The following HPGD variants were observed in gnomAD, a reference collection of about 807,000 sequenced individuals.
HPGD encodes 15-hydroxyprostaglandin dehydrogenase.
Under a neutral mutation model 30.0 loss-of-function variants are expected in HPGD, and 29 were observed. The ratio of observed to expected loss-of-function variants is 0.97; its 90% CI spans 0.72 to 1.32. The LOEUF (loss-of-function observed/expected upper bound fraction) is 1.32. Ranked by LOEUF, HPGD falls within the 40% of genes most tolerant of loss-of-function variation. The pLI, the probability that HPGD is intolerant of heterozygous loss-of-function variation, is 0.00. For missense variants in HPGD, 340 were observed against 322.1 expected, an observed-to-expected ratio of 1.06 and a Z score of -0.43; for synonymous variants, 99 against 112.4, an observed-to-expected ratio of 0.88 and a Z score of 0.75.
chr4:174,492,244 T>G lies in HPGD; in HGVS notation c.663-150A>C. On this transcript the variant is annotated intron_variant, in intron 6 of 6. Coordinates refer to ENST00000296522, the MANE Select transcript of HPGD (RefSeq NM_000860.6). The surrounding 1 kb of genome is among the most constrained non-coding windows in gnomAD (Gnocchi z 4.9). ...ATTGCTACTTCCAATTTTTATTTAA[T>G]TCCATATTAGATATCTAGATTAGAT... The G allele has an allele frequency of 1.5e-6, 1 of 674,900 alleles. No individual in the cohort carries two copies. Among genetic ancestry groups the G allele is most frequent in the Non-Finnish European group, 2.6e-6 (1 of 386,172 alleles). 41.8% of individuals were successfully genotyped at this position (674,900 alleles called of 1,614,324 possible).
chr4:174,495,562 T>C lies in HPGD; in HGVS notation c.484A>G (p.Thr162Ala). 6.2e-7 allele frequency: 1 copy of C among 1,613,152 alleles called. No individual in the cohort carries two copies. Among genetic ancestry groups the C allele is most frequent in the Non-Finnish European group, 8.5e-7 (1 of 1,179,160 alleles). Reference protein sequence around the residue: ...CASKHGIVGFTRSAALAANLM... With the variant: ...CASKHGIVGFARSAALAANLM... ...TGTAGCCTCACCGCTGCTGAGCGTG[T>C]GAATCCAACTATGCCATGCTTTGAA... Residue 162 changes from threonine to alanine, a missense_variant, in exon 5 of 7, where the codon ACA becomes GCA. Coordinates refer to ENST00000296522, the MANE Select transcript of HPGD (RefSeq NM_000860.6).
chr4:174,512,033 A>G (rs1179060554), intron 3 of HPGD, among the ~76,000 whole-genome samples: 3 of 152,188 alleles, frequency 2.0e-5, no homozygotes, highest in Non-Finnish European at 2.9e-5. Context: ...AAAATAGCCT[A>G]ATGGAAACCA....
intron 4 of HPGD, among the ~76,000 whole-genome samples, chr4:174,498,924 A>G (rs1352587025): frequency 2.0e-5 from 3 of 152,126 alleles, no homozygotes; most frequent in Non-Finnish European, 4.4e-5. Flanking sequence ...ATTTTTGACA[A>G]TGATTTTAGT....
chr4:174,495,678 A>G (rs1363974649), intron 4 of HPGD, 54 bp from the exon 5 acceptor site: 1 of 1,154,480 alleles, frequency 8.7e-7, no homozygotes, highest in South Asian at 1.2e-5. Flanking sequence ...TAAGTAGACT[A>G]TACCCAGTAA....
chr4:174,497,085 C>T (rs1282494118), intron 4 of HPGD, among the ~76,000 whole-genome samples: 1 of 152,196 alleles, frequency 6.6e-6, no homozygotes, highest in Non-Finnish European at 1.5e-5. Flanking sequence ...GTTGCTGCTT[C>T]TGGTTCTTGT....
intron 5 of HPGD, among the ~76,000 whole-genome samples, chr4:174,495,059 A>C (rs1249300748): frequency 6.6e-6 from 1 of 152,186 alleles, no homozygotes; most frequent in Non-Finnish European, 1.5e-5. Flanking sequence ...AATTAGGTCT[A>C]AAGTATTTTT....
At chr4:174,510,709 C>A (rs1228642446) in intron 3 of HPGD, among the ~76,000 whole-genome samples, 1 of 152,180 alleles carries the variant, frequency 6.6e-6, no homozygotes, top group Non-Finnish European at 1.5e-5. Flanking sequence ...GATGAATCTA[C>A]AAGACAGGGT....
Position 174,492,115 on chromosome 4 carries a change from A to G in HPGD, c.663-21T>C. Reference sequence around the variant, plus strand: ...GTGGGCTAAAAATAAAGAAAACAGTATTTTGAAACGAAAGAATGAGGCATA... The same window carrying G: ...GTGGGCTAAAAATAAAGAAAACAGTGTTTTGAAACGAAAGAATGAGGCATA... On this transcript the variant is annotated intron_variant, in intron 6 of 6. Coordinates refer to ENST00000296522, the MANE Select transcript of HPGD (RefSeq NM_000860.6). This position sits in a 1 kb window ranked among gnomAD's most constrained non-coding sequence, Gnocchi z 4.9. 6.2e-7 allele frequency: 1 copy of G among 1,606,046 alleles called. No individual in the cohort carries two copies. The highest frequency in any genetic ancestry group is 8.5e-7 in the Non-Finnish European group (1 of 1,174,368).
At chr4:174,493,502 A>G in intron 5 of HPGD, 188 bp from the exon 6 acceptor site, 1 of 570,806 alleles carries the variant, frequency 1.8e-6, no homozygotes, top group Non-Finnish European at 3.1e-6. Flanking sequence ...TTAATTCCTG[A>G]AAATCTCACC....
intron 3 of HPGD, 33 bp downstream of exon 3, chr4:174,517,938 T>A: frequency 2.7e-6 from 3 of 1,101,864 alleles, no homozygotes; most frequent in South Asian, 2.5e-5. Flanking sequence ...TATTAAATAA[T>A]TATAGACAAG....
chr4:174,512,759 T>C (rs1168507209), intron 3 of HPGD, among the ~76,000 whole-genome samples: 1 of 152,222 alleles, frequency 6.6e-6, no homozygotes, highest in Non-Finnish European at 1.5e-5. Flanking sequence ...CAGTTCCTGA[T>C]GTGAAGCTGA....
At chr4:174,504,146 C>T (rs1414297538) in intron 4 of HPGD, among the ~76,000 whole-genome samples, 2 of 152,186 alleles carry the variant, frequency 1.3e-5, no homozygotes, top group East Asian at 3.9e-4. Context: ...TCTCCATTTC[C>T]CTTCTGCAAA....
Position 174,492,022 on chromosome 4 carries a change from G to A in HPGD, c.735C>T (p.Ile245=). 9 of 1,609,744 alleles carry A rather than the reference G, an allele frequency of 5.6e-6. No individual in the cohort carries two copies. Among genetic ancestry groups the A allele is most frequent in the Non-Finnish European group, 7.7e-6 (9 of 1,176,408 alleles). Residue 245 remains isoleucine (I), a synonymous_variant, in exon 7 of 7, where the codon ATC becomes ATT. Coordinates refer to ENST00000296522, the MANE Select transcript of HPGD (RefSeq NM_000860.6). This position sits in a 1 kb window ranked among gnomAD's most constrained non-coding sequence, Gnocchi z 4.9. ...GAAAATGAATTCCCTTAGAAGTTGT[G>A]ATCTTCATAATAGCACCATTTAAAG... ...DDALNGAIMK[I]TTSKGIHFQD...
At chr4:174,515,007 G>T (rs1426659638) in intron 3 of HPGD, among the ~76,000 whole-genome samples, 1 of 151,894 alleles carries the variant, frequency 6.6e-6, no homozygotes, top group Non-Finnish European at 1.5e-5. Context: ...CTACTGAAAG[G>T]AATCAGAGAT....
chr4:174,515,728 C>T (rs1341923757), intron 3 of HPGD, among the ~76,000 whole-genome samples: 1 of 151,850 alleles, frequency 6.6e-6, no homozygotes, highest in East Asian at 1.9e-4. Context: ...ATGGATCTGA[C>T]AAAGGTCTAA....
chr4:174,501,501 T>C (rs1224568931), intron 4 of HPGD, among the ~76,000 whole-genome samples: 1 of 152,182 alleles, frequency 6.6e-6, no homozygotes, highest in African/African-American at 2.4e-5. Context: ...AGGCCCACCA[T>C]TGTGCAAGTT....
At chr4:174,521,031 C>T (rs1322082193) in intron 2 of HPGD, among the ~76,000 whole-genome samples, 1 of 152,080 alleles carries the variant, frequency 6.6e-6, no homozygotes, top group African/African-American at 2.4e-5. Context: ...TTTGATGTCC[C>T]TTTAAGAACA....
intron 4 of HPGD, among the ~76,000 whole-genome samples, chr4:174,503,577 G>A (rs188466838): frequency 1.4e-4 from 21 of 152,212 alleles, no homozygotes; most frequent in East Asian, 3.9e-4. Flanking sequence ...GGTGCCATGC[G>A]ATTTTCTTAC....
At chr4:174,495,377 T>G (rs1734543858) in intron 5 of HPGD, 171 bp downstream of exon 5, 2 of 628,786 alleles carry the variant, frequency 3.2e-6, no homozygotes, top group East Asian at 5.5e-5. Context: ...AATGATCTAT[T>G]ATTTATTTGG....
Sources: allele counts gnomAD v4.1 joint callset (sites outside exome capture counted in the v4.1 genomes callset), GRCh38; gene constraint gnomAD v4.1.1; non-coding constraint Gnocchi (gnomAD v3.1); transcripts MANE v1.5; gene names NCBI Gene and HGNC (gene_info 2026-07-23, HGNC 2026-07-21).